Variants in TIMM23 observed in about 807,000 individuals in gnomAD.
The protein encoded by TIMM23 is mitochondrial import inner membrane translocase subunit Tim23.
Under a neutral mutation model 30.7 loss-of-function variants are expected in TIMM23, and 19 were observed. The ratio of observed to expected loss-of-function variants is 0.62; its 90% confidence interval spans 0.43 to 0.91. The LOEUF (loss-of-function observed/expected upper bound fraction) is 0.91, where lower values mean the gene tolerates loss of function less well. TIMM23 is among the 40% of genes least tolerant of loss of function. TIMM23 has a pLI of 0.00. For synonymous variants in TIMM23, 78 were observed against 98.5 expected, an observed-to-expected ratio of 0.79 and a Z score of 1.23; for missense variants, 202 against 269.2, an observed-to-expected ratio of 0.75 and a Z score of 1.75.
intron 1 of TIMM23, among the ~76,000 whole-genome samples, chr10:45,974,490 C>T (rs1187604355): frequency 6.6e-6 from 1 of 152,156 alleles, no homozygotes; most frequent in Non-Finnish European, 1.5e-5. Flanking sequence ...GCCAGTCTGT[C>T]TTCGTAGTTA....
intron 6 of TIMM23, among the ~76,000 whole-genome samples, chr10:45,990,285 G>T (rs1448906769): frequency 6.6e-6 from 1 of 151,778 alleles, no homozygotes; most frequent in Non-Finnish European, 1.5e-5. Flanking sequence ...ATCACATCTG[G>T]CTAATTCTTG....
intron 6 of TIMM23, among the ~76,000 whole-genome samples, chr10:46,000,533 A>C (rs1554917526): frequency 6.6e-6 from 1 of 152,186 alleles, no homozygotes; most frequent in African/African-American, 2.4e-5. Context: ...AAGTATCTTA[A>C]AGCCTTATAG....
intron 4 of TIMM23, among the ~76,000 whole-genome samples, chr10:45,983,148 G>A (rs1554914321): frequency 1.3e-5 from 2 of 152,260 alleles, no homozygotes; most frequent in Admixed American, 6.5e-5. Flanking sequence ...GTGTCCCTCA[G>A]TCAGCTAGTG....
intron 1 of TIMM23, among the ~76,000 whole-genome samples, chr10:45,973,737 G>T (rs1183863999): frequency 1.3e-5 from 2 of 151,974 alleles, no homozygotes; most frequent in Non-Finnish European, 2.9e-5. Flanking sequence ...TCGCACTCCT[G>T]AGCTCAAACA....
At chr10:45,975,060 C>T (rs1448584722) in intron 1 of TIMM23, among the ~76,000 whole-genome samples, 6 of 152,176 alleles carry the variant, frequency 3.9e-5, no homozygotes, top group Admixed American at 2.6e-4. Flanking sequence ...AACCCAACCA[C>T]TGTTTTTCCC....
chr10:45,990,270 A>G (rs1397442544), intron 6 of TIMM23, among the ~76,000 whole-genome samples: 3 of 151,860 alleles, frequency 2.0e-5, no homozygotes, highest in Non-Finnish European at 4.4e-5. Context: ...CTGGAGGCAC[A>G]TACCATCACA....
At chr10:45,985,684 T>A (rs1419296612) in intron 5 of TIMM23, among the ~76,000 whole-genome samples, 11 of 152,186 alleles carry the variant, frequency 7.2e-5, no homozygotes, top group Non-Finnish European at 1.6e-4. Context: ...CACTGCACAC[T>A]CTCCTTTCCA....
At chr10:45,978,540 GACATGAAAGCTGGTCAGTA>G (rs1837745449) in intron 2 of TIMM23, among the ~76,000 whole-genome samples, 1 of 152,168 alleles carries the variant, frequency 6.6e-6, no homozygotes, top group Admixed American at 6.5e-5. Flanking sequence ...GTCTAATAAT[GACATGAAAGCTGGTCAGTA>G]ACATTAATTA....
intron 6 of TIMM23, among the ~76,000 whole-genome samples, chr10:45,994,822 C>CTAAA (rs1838280924): frequency 1.3e-5 from 2 of 151,992 alleles, no homozygotes; most frequent in South Asian, 4.2e-4. Flanking sequence ...TAGCCATTCC[C>CTAAA]TAAATGTAAA....
At chr10:45,983,335 T>C (rs1837899977) in intron 4 of TIMM23, among the ~76,000 whole-genome samples, 1 of 152,192 alleles carries the variant, frequency 6.6e-6, no homozygotes, top group South Asian at 2.1e-4. Flanking sequence ...GCTGCCATCA[T>C]TTAACTTGAA....
At chr10:45,993,509 G>A (rs1450735952) in intron 6 of TIMM23, among the ~76,000 whole-genome samples, 3 of 151,890 alleles carry the variant, frequency 2.0e-5, no homozygotes, top group Admixed American at 2.0e-4. Flanking sequence ...AGCAGAGATC[G>A]CGCCACTGAA....
At chr10:45,985,640 G>C (rs1837969408) in intron 5 of TIMM23, among the ~76,000 whole-genome samples, 199 bp downstream of exon 5, 2 of 152,128 alleles carry the variant, frequency 1.3e-5, no homozygotes, top group South Asian at 4.1e-4. Flanking sequence ...ATACCGTTCT[G>C]AATACCATTG....
chr10:45,986,598 C>T (rs1487787632), intron 5 of TIMM23, among the ~76,000 whole-genome samples: 1 of 151,982 alleles, frequency 6.6e-6, no homozygotes, highest in African/African-American at 2.4e-5. Flanking sequence ...TAAGGCTGAG[C>T]GCGGTGTATT....
chr10:45,993,869 T>G (rs1355573822), intron 6 of TIMM23, among the ~76,000 whole-genome samples: 1 of 150,334 alleles, frequency 6.7e-6, no homozygotes, highest in Non-Finnish European at 1.5e-5. Flanking sequence ...TGAAATGAAA[T>G]AATGAAATGA....
chr10:45,991,969 T>C (rs1554915851), intron 6 of TIMM23, among the ~76,000 whole-genome samples: 3 of 151,822 alleles, frequency 2.0e-5, no homozygotes, highest in African/African-American at 7.2e-5. Flanking sequence ...AAATGTTTCC[T>C]TTGTTTTTTT....
intron 2 of TIMM23, among the ~76,000 whole-genome samples, chr10:45,977,922 T>A (rs1325728404): frequency 6.6e-6 from 1 of 151,904 alleles, no homozygotes; most frequent in East Asian, 1.9e-4. Context: ...TCCCAGCTAC[T>A]TGGGAGGCTG....
At chr10:45,986,946 C>T (rs1478242807) in intron 5 of TIMM23, among the ~76,000 whole-genome samples, 3 of 152,134 alleles carry the variant, frequency 2.0e-5, no homozygotes, top group Non-Finnish European at 4.4e-5. Context: ...GATGTTTCTT[C>T]TGAATTCTTC....
intron 6 of TIMM23, among the ~76,000 whole-genome samples, chr10:45,996,944 G>A (rs587729472): frequency 1.1e-3 from 152 of 138,068 alleles, no homozygotes; most frequent in Admixed American, 9.2e-4. Context: ...TAGCCTGGAC[G>A]ACAGAGTGAG....
At chr10:45,988,693 C>T (rs1245963668) in intron 5 of TIMM23, 44 bp from the exon 6 acceptor site, 5 of 1,561,882 alleles carry the variant, frequency 3.2e-6, no homozygotes, top group Non-Finnish European at 4.4e-6. Flanking sequence ...TAATATCACA[C>T]TTTATCACTG....
Sources: allele counts gnomAD v4.1 joint callset (sites outside exome capture counted in the v4.1 genomes callset), GRCh38; gene constraint gnomAD v4.1.1; transcripts MANE v1.5; gene names NCBI Gene and HGNC (gene_info 2026-07-23, HGNC 2026-07-21).